CHLSN: variants seen among roughly 807,000 people sequenced by gnomAD.
CHLSN encodes cholesin.
chr7:1,062,542 G>A, the CHLSN span, among the ~76,000 whole-genome samples: 20 of 151,962 alleles, frequency 1.3e-4, no homozygotes, highest in East Asian at 7.7e-4. Flanking sequence ...GGCTGCTGGC[G>A]AAGGAGTAAG....
the CHLSN span, chr7:988,646 T>A: frequency 1.2e-6 from 2 of 1,602,084 alleles, no homozygotes; most frequent in Non-Finnish European, 8.5e-7. Flanking sequence ...CCGCCGCGTC[T>A]GTGTTGGGGA....
At chr7:1,124,115 C>T in the CHLSN span, among the ~76,000 whole-genome samples, 55 of 152,360 alleles carry the variant, frequency 3.6e-4, no homozygotes, top group African/African-American at 1.3e-3. Flanking sequence ...CTTCTTTCCC[C>T]TCTTGCTTTC....
chr7:1,058,503 C>G, the CHLSN span: 3 of 779,382 alleles, frequency 3.8e-6, no homozygotes, highest in Middle Eastern at 6.8e-4. Flanking sequence ...GGGGGTGCAG[C>G]AGGTGCTGGC....
chr7:1,020,652 C>T, the CHLSN span, among the ~76,000 whole-genome samples: 18,669 of 152,242 alleles, frequency 0.12, 1,287 homozygotes, highest in Middle Eastern at 0.21. Flanking sequence ...CAGCCCTTAC[C>T]GAACCCACCT....
chr7:988,893 C>T, the CHLSN span: 40 of 971,712 alleles, frequency 4.1e-5, 1 homozygote, highest in East Asian at 1.9e-4. Flanking sequence ...CCTCTCTCCT[C>T]CCACCCCACA....
the CHLSN span, chr7:1,055,182 C>T: frequency 1.1e-3 from 528 of 465,936 alleles, 2 homozygotes; most frequent in Non-Finnish European, 1.9e-3. Flanking sequence ...CGTCCAAGCA[C>T]GGCCCCTCGT....
chr7:988,544 C>A, the CHLSN span: 1 of 1,597,224 alleles, frequency 6.3e-7, no homozygotes. Context: ...GCTGTGGTGG[C>A]TGCTCCTGTG....
the CHLSN span, among the ~76,000 whole-genome samples, chr7:1,125,283 T>C: frequency 2.6e-5 from 4 of 152,326 alleles, no homozygotes; most frequent in East Asian, 1.9e-4. Flanking sequence ...TGGAAGCCGC[T>C]TTGAAGGGCC....
At chr7:998,149 G>A in the CHLSN span, among the ~76,000 whole-genome samples, 1 of 152,192 alleles carries the variant, frequency 6.6e-6, no homozygotes, top group Non-Finnish European at 1.5e-5. Flanking sequence ...AAAAAGCCAA[G>A]TACGCGCCGG....
At chr7:1,070,558 A>G in the CHLSN span, among the ~76,000 whole-genome samples, 1 of 146,090 alleles carries the variant, frequency 6.8e-6, no homozygotes, top group East Asian at 2.0e-4. Context: ...ACACGCACAC[A>G]CGTGCACACA....
chr7:1,010,725 C>T, the CHLSN span, among the ~76,000 whole-genome samples: 1 of 152,142 alleles, frequency 6.6e-6, no homozygotes, highest in East Asian at 1.9e-4. Flanking sequence ...GCCAGGAAAG[C>T]ACAGGCCCTC....
the CHLSN span, chr7:1,058,569 G>GC: frequency 1.4e-6 from 1 of 726,144 alleles, no homozygotes; most frequent in East Asian, 2.5e-5. Flanking sequence ...AGAGCACTTA[G>GC]TTACCCTGGA....
At chr7:1,078,275 G>A in the CHLSN span, among the ~76,000 whole-genome samples, 1 of 152,112 alleles carries the variant, frequency 6.6e-6, no homozygotes, top group Non-Finnish European at 1.5e-5. Flanking sequence ...GCCCTATAGT[G>A]GGCACGCCTG....
At chr7:1,060,529 G>C in the CHLSN span, among the ~76,000 whole-genome samples, 1 of 152,160 alleles carries the variant, frequency 6.6e-6, no homozygotes, top group Non-Finnish European at 1.5e-5. Flanking sequence ...AGCCATCGAC[G>C]TGGGGACGTC....
the CHLSN span, among the ~76,000 whole-genome samples, chr7:995,680 C>T: frequency 2.6e-5 from 4 of 152,378 alleles, no homozygotes; most frequent in Admixed American, 6.5e-5. Context: ...TGCCAGCAGC[C>T]GGATCGCAGG....
chr7:1,036,430 CCGTGTAGGGTTCGGGTGCTCGTGGT>C, the CHLSN span, among the ~76,000 whole-genome samples: 2 of 147,940 alleles, frequency 1.4e-5, no homozygotes, highest in Admixed American at 6.8e-5. Flanking sequence ...CGTGGTGTGG[CCGTGTAGGGTTCGGGTGCTCGTGGT>C]GTGGCCGTGT....
the CHLSN span, among the ~76,000 whole-genome samples, chr7:1,126,617 G>A: frequency 6.6e-6 from 1 of 150,810 alleles, no homozygotes; most frequent in Non-Finnish European, 1.5e-5. Flanking sequence ...GGAGATGGAG[G>A]TTGCACTGAG....
chr7:1,025,716 T>G, the CHLSN span: 1 of 152,376 alleles, frequency 6.6e-6, no homozygotes, highest in Non-Finnish European at 1.5e-5. Context: ...AGAGGTTGCG[T>G]GGCTCCCCAG....
chr7:1,095,849 A>T, the CHLSN span, among the ~76,000 whole-genome samples: 1 of 152,380 alleles, frequency 6.6e-6, no homozygotes, highest in South Asian at 2.1e-4. Context: ...GCCATGCAGA[A>T]ATCATACAGG....
Sources: gnomAD v4.1 joint callset for allele counts (sites outside exome capture counted in the v4.1 genomes callset) on GRCh38, gnomAD v4.1.1 for gene constraint, MANE v1.5 for transcripts, NCBI Gene and HGNC (gene_info 2026-07-23, HGNC 2026-07-21) for gene names.